Variants in SLC25A26 observed in about 807,000 individuals in gnomAD.
The protein encoded by SLC25A26 is mitochondrial S-adenosylmethionine carrier protein.
Under a neutral mutation model 37.8 loss-of-function variants are expected in SLC25A26, and 36 were observed. That is an observed-to-expected ratio of 0.95 (90% CI 0.73 to 1.26). The LOEUF (loss-of-function observed/expected upper bound fraction) is 1.26, where lower values mean the gene tolerates loss of function less well. Ranked by LOEUF, SLC25A26 falls within the 50% of genes most tolerant of loss-of-function variation. The pLI is 0.00. For synonymous variants in SLC25A26, 129 were observed against 122.5 expected (o/e 1.05, Z -0.35); for missense variants, 390 against 331.1 (o/e 1.18, Z -1.38).
rs1314786602 is a variant in SLC25A26, at chr3:66,263,234, T to TA, written c.406-97dup. The TA allele has an allele frequency of 7.4e-5, 61 of 827,902 alleles. 1 individual carries two copies. In the East Asian group the frequency reaches 8.3e-4, roughly 11 times the overall value. The allele number at this position is 827,902 out of a possible 1,614,324, so 51.3% of individuals were successfully genotyped here. A position where few individuals can be genotyped will look rare whatever the true frequency, so the allele number is the denominator to read the frequency against. On this transcript the variant is annotated intron_variant, in intron 4 of 9. Transcript: ENST00000354883. The stretch of plus-strand genomic sequence containing the variant: ...AGAAGTGTGGCAATTGTGAATGTTC[T>TA]AGAACTCAAACAAGAGCAGGTAGAT...
chr3:66,324,180 G>A (rs1245026060), intron 5 of SLC25A26: 1 of 21,202 alleles, frequency 4.7e-5, no homozygotes. Context: ...GTTAAAAAGT[G>A]TGTGTGTGTG....
intron 1 of SLC25A26, among the ~76,000 whole-genome samples, chr3:66,178,774 C>T (rs546177415): frequency 1.5e-4 from 23 of 152,128 alleles, no homozygotes; most frequent in Non-Finnish European, 2.9e-4. Context: ...AATTTTTAAA[C>T]GCCAGCAAGT....
intron 6 of SLC25A26, among the ~76,000 whole-genome samples, chr3:66,362,427 TA>T (rs34400653): frequency 0.54 from 82,231 of 152,004 alleles, 24,458 homozygotes; most frequent in African/African-American, 0.79. Context: ...AAGTTGGATT[TA>T]AAAAAAATAT....
At chr3:66,180,651 A>T (rs1298750765) in intron 1 of SLC25A26, among the ~76,000 whole-genome samples, 1 of 150,774 alleles carries the variant, frequency 6.6e-6, no homozygotes, top group African/African-American at 2.4e-5. Flanking sequence ...GAGCTGAAAA[A>T]TTTTGCTGCA....
Position 66,153,134 on chromosome 3 carries a change from T to C in SLC25A26, c.-354+19150T>C, listed in dbSNP as rs530609675. On this transcript the variant is annotated intron_variant, in intron 1 of 10. Transcript: ENST00000676754. ...TTTATCAATGCAATGCTTGGAGCTA[T>C]TTTTGGTCGTCACGACCAAAAATTA... 2.0e-5 allele frequency among the ~76,000 whole-genome samples: 3 copies of C among 152,272 alleles called. No individual in the cohort carries two copies. In the South Asian group the frequency reaches 6.2e-4, roughly 32 times the overall value.
chr3:66,358,910 A>T (rs1011131929), intron 6 of SLC25A26, among the ~76,000 whole-genome samples: 3 of 152,222 alleles, frequency 2.0e-5, no homozygotes, highest in African/African-American at 7.2e-5. Context: ...TGTATGTTCT[A>T]TGGAAGTGTG....
At chr3:66,331,731 T>G (rs991862592) in intron 5 of SLC25A26, among the ~76,000 whole-genome samples, 8 of 152,284 alleles carry the variant, frequency 5.3e-5, no homozygotes, top group African/African-American at 1.4e-4. Context: ...GGTGATCTTT[T>G]CTTTCCCTGT....
At chr3:66,170,770 C>T (rs2070483560) in intron 1 of SLC25A26, among the ~76,000 whole-genome samples, 1 of 134,708 alleles carries the variant, frequency 7.4e-6, no homozygotes, top group African/African-American at 2.8e-5. Flanking sequence ...ACACAGCAAA[C>T]ATTTAATAGA....
At position 66,377,701 on chromosome 3, in the gene SLC25A26, G is replaced by T. The variant is rs756504810; in HGVS notation, c.719G>T (p.Gly240Val). Residue 240 changes from glycine to valine, a missense_variant, in exon 10 of 10, where the codon GGT becomes GTT. By Grantham distance (109) the Gly-to-Val change is moderately radical (BLOSUM62 -3). Transcript: ENST00000354883. ...GTTTTTTCCCCTAGATTATTTGCAG[G>T]TGTCTTCCCTCGAATGGCAGCCATC... ...RSQGLAGLFA[G>V]VFPRMAAISL... 2.6e-5 allele frequency: 42 copies of T among 1,613,100 alleles called. No homozygotes were observed. Among genetic ancestry groups the T allele is most frequent in the Non-Finnish European group, 3.3e-5 (39 of 1,179,398 alleles).
At position 66,177,200 on chromosome 3, in the gene SLC25A26, G is replaced by T. The variant is rs149110214; in HGVS notation, c.-354+43216G>T. ...TGGGTTCACTGAGAACTGCAAATAC[G>T]CTGGGCACCACAGTGAAGTCAGCTG... On this transcript the variant is annotated intron_variant, in intron 1 of 10. Coordinates refer to the SLC25A26 transcript ENST00000676754. 7.1e-3 allele frequency among the ~76,000 whole-genome samples: 1,080 copies of T among 152,298 alleles called. 14 individuals are homozygous for T. The highest frequency in any genetic ancestry group is 0.025 in the African/African-American group (1,024 of 41,562).
At chr3:66,214,319 A>T (rs1334074336) in intron 1 of SLC25A26, among the ~76,000 whole-genome samples, 1 of 152,190 alleles carries the variant, frequency 6.6e-6, no homozygotes, top group Non-Finnish European at 1.5e-5. Flanking sequence ...AGCCAAGCAG[A>T]TGCTGGTGCC....
At chr3:66,191,704 A>G (rs1000367316) in intron 1 of SLC25A26, among the ~76,000 whole-genome samples, 1 of 151,800 alleles carries the variant, frequency 6.6e-6, no homozygotes, top group Admixed American at 6.6e-5. Flanking sequence ...AGACTGGCCA[A>G]CATGGTGAAA....
chr3:66,182,722 G>A (rs868733483), intron 1 of SLC25A26, among the ~76,000 whole-genome samples: 5 of 142,082 alleles, frequency 3.5e-5, no homozygotes, highest in African/African-American at 1.0e-4. Flanking sequence ...GCGGCGGGGG[G>A]GGGGGGTGGG....
chr3:66,300,261 T>TTTTG lies in SLC25A26; in HGVS notation c.453+36885_453+36886insGTTT, dbSNP rs1491443719. ...GGCTAGGGTTTTTTTGTTTTGTTTT[T>TTTTG]TTTTTTTTTTTTGGTGTTATACTGG... On this transcript the variant is annotated intron_variant, in intron 5 of 9. Coordinates refer to ENST00000354883, the MANE Select transcript of SLC25A26 (RefSeq NM_001379210.1). 1.1e-4 allele frequency among the ~76,000 whole-genome samples: 16 copies of TTTTG among 141,852 alleles called. 1 individual carries two copies. The highest frequency in any genetic ancestry group is 2.0e-4 in the Admixed American group (3 of 14,712). 93.1% of individuals were successfully genotyped at this position (141,852 alleles called of 152,430 possible). A position where few individuals can be genotyped will look rare whatever the true frequency, so the allele number is the denominator to read the frequency against.
rs550559972 is a variant in SLC25A26, at chr3:66,257,878, G to A, written c.301-4173G>A. ...CCAGCCACTCTATGGAAGCAATACCGGTGAACTCTGTAAACCTTCATATGT... is the reference window on the plus strand; with the variant it reads ...CCAGCCACTCTATGGAAGCAATACCAGTGAACTCTGTAAACCTTCATATGT... On this transcript the variant is annotated intron_variant, in intron 3 of 9. Transcript: ENST00000354883. Among the ~76,000 whole-genome samples the A allele has an allele frequency of 7.0e-4, 106 of 152,194 alleles. 2 individuals carry two copies. The South Asian group carries it at 0.021, about 31-fold the overall frequency.
At chr3:66,370,469 G>GGCAA in intron 8 of SLC25A26, 60 bp from the exon 9 acceptor site, 1 of 1,334,354 alleles carries the variant, frequency 7.5e-7, no homozygotes, top group East Asian at 2.3e-5. Flanking sequence ...ATATCTGAGA[G>GGCAA]GCAAGTGTGT....
At chr3:66,297,082 T>C (rs1410479145) in intron 5 of SLC25A26, among the ~76,000 whole-genome samples, 1 of 152,140 alleles carries the variant, frequency 6.6e-6, no homozygotes, top group Admixed American at 6.5e-5. Context: ...CCCAGCACTT[T>C]GGGAGGCTGA....
At chr3:66,143,976 A>G (rs1165445525) in intron 1 of SLC25A26, among the ~76,000 whole-genome samples, 1 of 152,322 alleles carries the variant, frequency 6.6e-6, no homozygotes, top group South Asian at 2.1e-4. Flanking sequence ...GAGACTGCAC[A>G]CTTTGTTGGC....
intron 5 of SLC25A26, among the ~76,000 whole-genome samples, chr3:66,304,107 C>G (rs2075149729): frequency 1.3e-5 from 2 of 152,176 alleles, no homozygotes; most frequent in South Asian, 4.1e-4. Flanking sequence ...GAAGTCAAGC[C>G]CATCCACGAT....
Sources: allele counts gnomAD v4.1 joint callset (sites outside exome capture counted in the v4.1 genomes callset), GRCh38; gene constraint gnomAD v4.1.1; transcripts MANE v1.5; gene names NCBI Gene and HGNC (gene_info 2026-07-23, HGNC 2026-07-21).